CLXN: variants seen among roughly 807,000 people sequenced by gnomAD.
CLXN encodes calaxin, also known as EF-hand calcium binding domain 1.
the CLXN span, among the ~76,000 whole-genome samples, chr8:48,716,760 G>A: frequency 6.6e-6 from 1 of 151,824 alleles, no homozygotes; most frequent in Non-Finnish European, 1.5e-5. Context: ...TATCCAGTTG[G>A]GGAGAAAAAG....
the CLXN span, among the ~76,000 whole-genome samples, chr8:48,712,043 T>C: frequency 5.3e-5 from 8 of 152,240 alleles, no homozygotes; most frequent in Non-Finnish European, 1.2e-4. Flanking sequence ...TTTCTGACTT[T>C]ATCATGTTTC....
At chr8:48,716,367 C>T in the CLXN span, 28 of 152,532 alleles carry the variant, frequency 1.8e-4, no homozygotes, top group South Asian at 4.1e-4. Context: ...TGCGCCTCTC[C>T]ATCCACACCT....
chr8:48,732,789 A>C, the CLXN span, among the ~76,000 whole-genome samples: 1 of 152,216 alleles, frequency 6.6e-6, no homozygotes, highest in South Asian at 2.1e-4. Context: ...TTAAAAAGGA[A>C]GAAAATTCTG....
the CLXN span, among the ~76,000 whole-genome samples, chr8:48,722,806 G>T: frequency 3.3e-5 from 5 of 151,986 alleles, no homozygotes; most frequent in South Asian, 1.0e-3. Context: ...ATATCATTCT[G>T]CCTTTAAAAA....
At chr8:48,728,900 T>C in the CLXN span, 6 of 541,208 alleles carry the variant, frequency 1.1e-5, 1 homozygote, top group South Asian at 1.7e-4. Flanking sequence ...AATCAGCAGG[T>C]TATTCAGTGG....
the CLXN span, among the ~76,000 whole-genome samples, chr8:48,713,478 G>A: frequency 6.6e-6 from 1 of 152,130 alleles, no homozygotes; most frequent in Non-Finnish European, 1.5e-5. Flanking sequence ...CAGCTCAAAG[G>A]AACTTTCTCC....
chr8:48,716,121 C>G, the CLXN span: 1 of 152,302 alleles, frequency 6.6e-6, no homozygotes, highest in Non-Finnish European at 1.5e-5. Flanking sequence ...AGCCCTGCCC[C>G]GTGGGGAGGC....
At chr8:48,724,838 A>C in the CLXN span, 2 of 1,575,884 alleles carry the variant, frequency 1.3e-6, no homozygotes, top group Non-Finnish European at 1.7e-6. Flanking sequence ...ATAAATTTCC[A>C]AAAAAGGTAG....
At chr8:48,728,539 T>C in the CLXN span, among the ~76,000 whole-genome samples, 55 of 152,274 alleles carry the variant, frequency 3.6e-4, no homozygotes, top group Middle Eastern at 3.4e-3. Context: ...TGAGTAAACT[T>C]GGACAAGGTG....
chr8:48,730,935 GATAA>G, the CLXN span, among the ~76,000 whole-genome samples: 1 of 151,830 alleles, frequency 6.6e-6, no homozygotes, highest in Non-Finnish European at 1.5e-5. Flanking sequence ...GGTCATATTA[GATAA>G]ATATATGAAT....
At chr8:48,727,111 T>C in the CLXN span, among the ~76,000 whole-genome samples, 1 of 143,064 alleles carries the variant, frequency 7.0e-6, no homozygotes, top group African/African-American at 2.7e-5. Context: ...CATTCACCCA[T>C]CCATCTACCC....
the CLXN span, among the ~76,000 whole-genome samples, chr8:48,726,153 T>C: frequency 1.8e-3 from 107 of 57,992 alleles, no homozygotes; most frequent in Middle Eastern, 0.017. Flanking sequence ...CATCCATCCA[T>C]CCACCCACCC....
chr8:48,729,883 A>G, the CLXN span: 1 of 1,597,982 alleles, frequency 6.3e-7, no homozygotes, highest in Non-Finnish European at 8.5e-7. Flanking sequence ...TTTTTAAGAA[A>G]ATAACAAATC....
the CLXN span, among the ~76,000 whole-genome samples, chr8:48,728,603 T>C: frequency 2.0e-5 from 3 of 152,202 alleles, no homozygotes; most frequent in African/African-American, 7.2e-5. Context: ...CTAATATTAC[T>C]ACCTACTTCA....
chr8:48,715,430 TG>T, the CLXN span: 1 of 152,208 alleles, frequency 6.6e-6, no homozygotes, highest in African/African-American at 2.4e-5. Flanking sequence ...CAAGGACAGC[TG>T]TATATAAAAG....
the CLXN span, chr8:48,724,813 G>A: frequency 1.2e-6 from 2 of 1,607,564 alleles, no homozygotes; most frequent in African/African-American, 2.7e-5. Flanking sequence ...TGTAAAAAAA[G>A]GTACTCAATT....
the CLXN span, chr8:48,711,966 G>T: frequency 2.6e-5 from 4 of 152,166 alleles, no homozygotes; most frequent in African/African-American, 9.7e-5. Context: ...GAACAAAAGC[G>T]CTCATTAGAT....
At chr8:48,717,995 G>GATTATAAT in the CLXN span, among the ~76,000 whole-genome samples, 1 of 152,160 alleles carries the variant, frequency 6.6e-6, no homozygotes, top group Non-Finnish European at 1.5e-5. Flanking sequence ...ATTAATGGTT[G>GATTATAAT]CTTTAAATGA....
the CLXN span, among the ~76,000 whole-genome samples, chr8:48,718,074 C>A: frequency 2.6e-5 from 4 of 152,064 alleles, no homozygotes; most frequent in African/African-American, 4.8e-5. Context: ...TCCAGCAATA[C>A]GCTGTCTACA....
Sources: gnomAD v4.1 joint callset for allele counts (sites outside exome capture counted in the v4.1 genomes callset) on GRCh38, gnomAD v4.1.1 for gene constraint, MANE v1.5 for transcripts, NCBI Gene and HGNC (gene_info 2026-07-23, HGNC 2026-07-21) for gene names.